Variants in DTWD1 observed in about 807,000 individuals in gnomAD.
The protein encoded by DTWD1 is DTW motif tRNA-uridine aminocarboxypropyltransferase 1, also known as tRNA-uridine aminocarboxypropyltransferase 1.
DTWD1 carries 27 observed loss-of-function variants against 30.2 expected under a neutral mutation model. The ratio of observed to expected loss-of-function variants is 0.90; its 90% CI spans 0.66 to 1.23. The LOEUF (loss-of-function observed/expected upper bound fraction) is 1.23, where lower values mean the gene tolerates loss of function less well. DTWD1 is among the 50% of genes most tolerant of loss of function. DTWD1 has a pLI of 0.00. For missense variants in DTWD1, 342 were observed against 348.8 expected (o/e 0.98, Z 0.15); for synonymous variants, 99 against 113.1 (o/e 0.88, Z 0.79).
At chr15:49,636,925 G>T (rs970395350) in intron 4 of DTWD1, among the ~76,000 whole-genome samples, 4 of 152,030 alleles carry the variant, frequency 2.6e-5, no homozygotes, top group Non-Finnish European at 5.9e-5. Context: ...TTTTCTCTTT[G>T]TAAGTAGTGG....
At chr15:49,638,693 A>T (rs1464061761) in intron 4 of DTWD1, among the ~76,000 whole-genome samples, 1 of 152,168 alleles carries the variant, frequency 6.6e-6, no homozygotes, top group African/African-American at 2.4e-5. Flanking sequence ...ATTGGAAATT[A>T]TGTTTCCATT....
intron 1 of DTWD1, among the ~76,000 whole-genome samples, chr15:49,623,982 TTTTC>T (rs1352182918): frequency 2.0e-5 from 3 of 152,168 alleles, no homozygotes; most frequent in African/African-American, 7.2e-5. Flanking sequence ...GCAAGTGCCT[TTTTC>T]TACTATAACC....
intron 2 of DTWD1, 144 bp from the exon 3 acceptor site, chr15:49,632,015 T>C: frequency 1.2e-6 from 1 of 833,678 alleles, no homozygotes; most frequent in Non-Finnish European, 1.9e-6. Flanking sequence ...TCACCATTCT[T>C]AATATTATGG....
At chr15:49,642,935 A>G (rs2079082324) in intron 4 of DTWD1, among the ~76,000 whole-genome samples, 1 of 152,094 alleles carries the variant, frequency 6.6e-6, no homozygotes. Flanking sequence ...TAAATAAACA[A>G]AAAAGTCAGT....
rs1425645959 is a variant in DTWD1, at chr15:49,646,817, GC to G, written c.*3241del. ...TTGCATTTGCCTCCCATTATTGCCA[GC>G]CTCACTTCCTTTCTTCCTCGCTCTT... is the stretch of plus-strand genomic sequence containing the variant. On this transcript the variant is annotated 3_prime_UTR_variant, in exon 5 of 5. Coordinates refer to ENST00000403028, the MANE Select transcript of DTWD1 (RefSeq NM_001144955.2). 1.3e-5 allele frequency: 2 copies of G among 152,202 alleles called. No individual in the cohort carries two copies. Among genetic ancestry groups the G allele is most frequent in the Non-Finnish European group, 2.9e-5 (2 of 68,070 alleles). 9.4% of individuals were successfully genotyped at this position (152,202 alleles called of 1,614,324 possible). A position where few individuals can be genotyped will look rare whatever the true frequency, so the allele number is the denominator to read the frequency against.
chr15:49,621,616 T>C (rs2078715321), intron 1 of DTWD1, among the ~76,000 whole-genome samples: 1 of 152,124 alleles, frequency 6.6e-6, no homozygotes, highest in Admixed American at 6.5e-5. Context: ...AAATTATTTA[T>C]TGGGAATGTA....
chr15:49,626,212 A>G (rs1412636185), intron 2 of DTWD1, among the ~76,000 whole-genome samples: 6 of 152,152 alleles, frequency 3.9e-5, no homozygotes. Flanking sequence ...CCAAACACTC[A>G]TGTCTTTGGA....
At chr15:49,632,325 C>G in intron 3 of DTWD1, 23 bp downstream of exon 3, 1 of 1,567,368 alleles carries the variant, frequency 6.4e-7, no homozygotes, top group Non-Finnish European at 8.6e-7. Context: ...GTTTTTATAA[C>G]TCTTCACATT....
rs143979943 is a variant in DTWD1, at chr15:49,634,649, A to G, written c.522A>G (p.Pro174=). 3.1e-6 allele frequency: 5 copies of G among 1,613,916 alleles called. No individual in the cohort carries two copies. In the Middle Eastern group the frequency reaches 6.6e-4, roughly 213 times the overall value. The change falls in exon 4 of 5, where the codon CCA becomes CCG. Residue 174 remains proline, a synonymous_variant. Transcript: ENST00000403028. ...GCAAAAATGATGACCCTGACAAGCC[A>G]TCTTTTAAACGCAAAAGAACTGAAG... ...VRGKNDDPDK[P]SFKRKRTEEQ...
chr15:49,643,665 A>G lies in DTWD1; in HGVS notation c.*87A>G. On this transcript the variant is annotated 3_prime_UTR_variant, in exon 5 of 5. Transcript: ENST00000403028. ...TTGTTTTTTCTTAAGAAATAATCAT[A>G]TATAATGCCTGTAAGACCATTTGAA... 1.4e-6 allele frequency: 2 copies of G among 1,398,856 alleles called. No homozygotes were observed. Among genetic ancestry groups the G allele is most frequent in the Non-Finnish European group, 1.9e-6 (2 of 1,041,256 alleles). The allele number at this position is 1,398,856 out of a possible 1,614,324, so 86.7% of individuals were successfully genotyped here. A position where few individuals can be genotyped will look rare whatever the true frequency, so the allele number is the denominator to read the frequency against.
chr15:49,628,767 A>T (rs1350225114), intron 2 of DTWD1, among the ~76,000 whole-genome samples: 3 of 151,270 alleles, frequency 2.0e-5, no homozygotes, highest in Non-Finnish European at 2.9e-5. Context: ...TTTTTTTTTT[A>T]AACACAGTTA....
In DTWD1 at chr15:49,643,584, A is replaced by C. The variant is rs374549391; in HGVS notation, c.*6A>C. The C allele has an allele frequency of 6.8e-5, 107 of 1,578,938 alleles. No homozygotes were observed. The highest frequency in any genetic ancestry group is 9.0e-5 in the Non-Finnish European group (105 of 1,166,072). On this transcript the variant is annotated 3_prime_UTR_variant, in exon 5 of 5. Coordinates refer to ENST00000403028, the MANE Select transcript of DTWD1 (RefSeq NM_001144955.2). Reference sequence around the variant, plus strand: ...CAGGAAAACTTACACATTAGTTTTTAACAAGCCACTTATGTCTTTTTATTT... The same window carrying C: ...CAGGAAAACTTACACATTAGTTTTTCACAAGCCACTTATGTCTTTTTATTT...
chr15:49,626,291 C>G (rs1414735328), intron 2 of DTWD1, among the ~76,000 whole-genome samples: 1 of 151,950 alleles, frequency 6.6e-6, no homozygotes, highest in Admixed American at 6.6e-5. Flanking sequence ...TGTGACTTAT[C>G]CTATACATGG....
intron 2 of DTWD1, among the ~76,000 whole-genome samples, chr15:49,625,740 A>C (rs2078834682): frequency 6.6e-6 from 1 of 152,096 alleles, no homozygotes; most frequent in Admixed American, 6.6e-5. Context: ...ACACAATCAA[A>C]ACTGATTCCA....
chr15:49,632,400 T>G, intron 3 of DTWD1, 98 bp downstream of exon 3: 1 of 1,210,408 alleles, frequency 8.3e-7, no homozygotes, highest in Middle Eastern at 2.3e-4. Context: ...ATTTAATATT[T>G]TTCTTAGTAA....
Position 49,653,458 on chromosome 15 carries a change from T to C in DTWD1, c.*9880T>C, listed in dbSNP as rs140606308. On this transcript the variant is annotated 3_prime_UTR_variant, in exon 5 of 5. Coordinates refer to ENST00000403028, the MANE Select transcript of DTWD1 (RefSeq NM_001144955.2). ...ATTTTAGATCAGTGAGATTTTTGTG[T>C]TGGACTTCTACAGAACTATATAAGA... is the stretch of plus-strand genomic sequence containing the variant. 2.5e-4 allele frequency: 38 copies of C among 152,280 alleles called. No homozygotes were observed. The highest frequency in any genetic ancestry group is 8.9e-4 in the African/African-American group (37 of 41,572). 9.4% of individuals were successfully genotyped at this position (152,280 alleles called of 1,614,324 possible).
At chr15:49,629,365 G>T (rs1330223910) in intron 2 of DTWD1, among the ~76,000 whole-genome samples, 1 of 151,904 alleles carries the variant, frequency 6.6e-6, no homozygotes, top group Non-Finnish European at 1.5e-5. Flanking sequence ...AAATAGGCTA[G>T]GCACATGATT....
intron 2 of DTWD1, among the ~76,000 whole-genome samples, chr15:49,625,705 T>C (rs556285488): frequency 2.6e-5 from 4 of 152,296 alleles, no homozygotes; most frequent in African/African-American, 9.6e-5. Context: ...CCCTGTGTCC[T>C]TCCCTTATTG....
chr15:49,625,395 T>G lies in DTWD1; in HGVS notation c.228T>G (p.Val76=). ...MFYCYTCYVP[V]ENVPIEQIPL... is the part of the protein sequence containing the mutation. ...ACTGCTATACATGTTATGTTCCAGT[T>G]GAAAATGTACCTATTGAACAGATTC... The change falls in exon 2 of 5, where the codon GTT becomes GTG. Residue 76 remains valine (V), a synonymous_variant. Coordinates refer to ENST00000403028, the MANE Select transcript of DTWD1 (RefSeq NM_001144955.2). 6.2e-7 allele frequency: 1 copy of G among 1,613,762 alleles called. No homozygotes were observed. Among genetic ancestry groups the G allele is most frequent in the Non-Finnish European group, 8.5e-7 (1 of 1,179,802 alleles).
Sources: gnomAD v4.1 joint callset for allele counts (sites outside exome capture counted in the v4.1 genomes callset) on GRCh38, gnomAD v4.1.1 for gene constraint, MANE v1.5 for transcripts, NCBI Gene and HGNC (gene_info 2026-07-23, HGNC 2026-07-21) for gene names.